The following SLC35F4 variants were observed in gnomAD, a reference collection of about 807,000 sequenced individuals.
SLC35F4 encodes solute carrier family 35 member F4, also known as chromosome 14 open reading frame 36.
A neutral mutation model predicts 44.2 loss-of-function variants in SLC35F4; 24 were observed. The observed-to-expected ratio is 0.54, with a 90% CI of 0.39 to 0.76. The LOEUF is 0.76. Ranked by LOEUF, SLC35F4 falls within the 30% of genes least tolerant of loss-of-function variation. The probability of loss-of-function intolerance (pLI) is 0.00; values close to 1 mark genes in which losing one functional copy is unlikely to be tolerated. For missense variants in SLC35F4, 562 were observed against 586.1 expected (o/e 0.96, Z 0.42); for synonymous variants, 238 against 223.6 (o/e 1.06, Z -0.57).
At chr14:57,928,309 T>G (rs968087223) in intron 1 of SLC35F4, among the ~76,000 whole-genome samples, 4 of 152,092 alleles carry the variant, frequency 2.6e-5, no homozygotes, top group African/African-American at 9.7e-5. Context: ...CCCTGCCAGG[T>G]ACTAAGGAGG....
At chr14:57,875,279 C>G (rs1875914563) in intron 1 of SLC35F4, among the ~76,000 whole-genome samples, 1 of 152,166 alleles carries the variant, frequency 6.6e-6, no homozygotes, top group African/African-American at 2.4e-5. Flanking sequence ...TATCTTCTTT[C>G]TTTTTCTCTA....
chr14:57,947,025 T>C (rs571934742), intron 1 of SLC35F4, among the ~76,000 whole-genome samples: 2 of 152,304 alleles, frequency 1.3e-5, no homozygotes, highest in East Asian at 3.9e-4. Flanking sequence ...AGAATGATAT[T>C]GGTATTTTGT....
upstream of SLC35F4, among the ~76,000 whole-genome samples, chr14:57,871,059 G>A (rs1566917499): frequency 6.6e-6 from 1 of 152,214 alleles, no homozygotes; most frequent in Admixed American, 6.5e-5. Flanking sequence ...AGGCACTCAG[G>A]TCCTGCTTGG....
intron 2 of SLC35F4, among the ~76,000 whole-genome samples, chr14:57,589,858 A>C (rs2070045075): frequency 6.6e-6 from 1 of 152,164 alleles, no homozygotes; most frequent in East Asian, 1.9e-4. Context: ...TTTCTATTGA[A>C]TGTGAGAAGA....
At chr14:57,827,180 A>G (rs2140926087) in intron 1 of SLC35F4, among the ~76,000 whole-genome samples, 1 of 152,328 alleles carries the variant, frequency 6.6e-6, no homozygotes, top group East Asian at 1.9e-4. Flanking sequence ...ATGCAGCCAT[A>G]AAAAAGAACA....
At chr14:57,799,924 T>G (rs1194724227) in intron 1 of SLC35F4, among the ~76,000 whole-genome samples, 3 of 152,112 alleles carry the variant, frequency 2.0e-5, no homozygotes, top group Non-Finnish European at 4.4e-5. Context: ...AACTCAGCTT[T>G]TCCAGCCTGC....
intron 1 of SLC35F4, among the ~76,000 whole-genome samples, chr14:57,906,699 T>A (rs949156590): frequency 3.3e-5 from 5 of 152,242 alleles, no homozygotes; most frequent in Admixed American, 1.3e-4. Flanking sequence ...TGGATATCTA[T>A]GGCTAACATC....
chr14:57,667,458 A>G lies in SLC35F4; in HGVS notation c.104-73334T>C, dbSNP rs184013729. Among the ~76,000 whole-genome samples the G allele has an allele frequency of 8.1e-3, 1,218 of 150,642 alleles. 13 individuals carry two copies. The highest frequency in any genetic ancestry group is 0.011 in the Non-Finnish European group (733 of 67,736). ...ATTAACTCGTCATTTAACATTAGGTATATCTCCTAATGCTATCCCTCCTCC... is the reference window on the plus strand; with the variant it reads ...ATTAACTCGTCATTTAACATTAGGTGTATCTCCTAATGCTATCCCTCCTCC... On this transcript the variant is annotated intron_variant, in intron 1 of 7. Transcript: ENST00000556826.
At chr14:57,674,893 C>T (rs2074639279) in intron 1 of SLC35F4, among the ~76,000 whole-genome samples, 1 of 152,076 alleles carries the variant, frequency 6.6e-6, no homozygotes, top group Non-Finnish European at 1.5e-5. Flanking sequence ...TTCTATAGTA[C>T]TCTTTGCTCC....
intron 1 of SLC35F4, among the ~76,000 whole-genome samples, chr14:57,945,904 G>A (rs574354179): frequency 1.3e-5 from 2 of 151,830 alleles, no homozygotes; most frequent in Admixed American, 1.3e-4. Flanking sequence ...TATGTCTGTT[G>A]GCCATTTGTA....
At chr14:57,937,784 C>T (rs41514351) in intron 1 of SLC35F4, among the ~76,000 whole-genome samples, 1,639 of 152,092 alleles carry the variant, frequency 0.011, 13 homozygotes, top group African/African-American at 0.025. Flanking sequence ...TGAAGGTGAA[C>T]GTCTGGGCAG....
intron 1 of SLC35F4, among the ~76,000 whole-genome samples, chr14:57,918,673 A>T (rs1889380286): frequency 6.6e-6 from 1 of 152,230 alleles, no homozygotes; most frequent in Non-Finnish European, 1.5e-5. Flanking sequence ...GGGATGGTAC[A>T]GCTGCAGGAA....
chr14:57,876,023 C>A (rs1275042949), intron 1 of SLC35F4, among the ~76,000 whole-genome samples: 1 of 152,170 alleles, frequency 6.6e-6, no homozygotes, highest in Non-Finnish European at 1.5e-5. Context: ...TAAGCAAAAT[C>A]TGGCATTAAA....
chr14:57,899,938 C>A (rs1005091564), intron 1 of SLC35F4, among the ~76,000 whole-genome samples: 13 of 152,196 alleles, frequency 8.5e-5, no homozygotes, highest in African/African-American at 3.1e-4. Flanking sequence ...GGAAGGGGAC[C>A]CAAGTGGGTT....
At chr14:57,771,593 TTTAC>T (rs1229272084) in intron 1 of SLC35F4, among the ~76,000 whole-genome samples, 3 of 152,200 alleles carry the variant, frequency 2.0e-5, no homozygotes, top group African/African-American at 7.2e-5. Flanking sequence ...AATTAATTTA[TTTAC>T]TTATTTATTT....
intron 1 of SLC35F4, among the ~76,000 whole-genome samples, chr14:57,947,112 G>A (rs905286957): frequency 3.9e-5 from 6 of 152,068 alleles, no homozygotes; most frequent in Non-Finnish European, 8.8e-5. Flanking sequence ...CTATCTGTAA[G>A]CATGGGATAT....
At chr14:57,863,318 C>T (rs1210527934) in intron 1 of SLC35F4, among the ~76,000 whole-genome samples, 4 of 152,188 alleles carry the variant, frequency 2.6e-5, no homozygotes, top group Non-Finnish European at 5.9e-5. Context: ...ATCAGCCTGA[C>T]TACTAGAATT....
chr14:57,867,288 AT>A (rs958976963), upstream of SLC35F4, among the ~76,000 whole-genome samples: 5 of 152,152 alleles, frequency 3.3e-5, no homozygotes, highest in Admixed American at 6.5e-5. Context: ...AAATATGCAA[AT>A]TTTTTTTCTA....
rs530755558 is a variant in SLC35F4 at position 57,805,862 on chromosome 14, T to C, written c.103+59861A>G. 8.1e-4 allele frequency among the ~76,000 whole-genome samples: 124 copies of C among 152,264 alleles called. 1 individual carries two copies. Among genetic ancestry groups the C allele is most frequent in the African/African-American group, 2.9e-3 (120 of 41,566 alleles). ...ATAATGTTAAATGAAAAAAGCAGCA[T>C]ACAAAGTAGTATCCAAAGTAAGGTC... On this transcript the variant is annotated intron_variant, in intron 1 of 7. Transcript: ENST00000556826.
Sources: gnomAD v4.1 joint callset for allele counts (sites outside exome capture counted in the v4.1 genomes callset) on GRCh38, gnomAD v4.1.1 for gene constraint, MANE v1.5 for transcripts, NCBI Gene and HGNC (gene_info 2026-07-23, HGNC 2026-07-21) for gene names.